The following STAG2 variants were observed in gnomAD, a reference collection of about 807,000 sequenced individuals.
The protein encoded by STAG2 is cohesin subunit SA-2.
STAG2 carries 14 observed loss-of-function variants against 108.1 expected under a neutral mutation model. The observed-to-expected ratio is 0.13, with a 90% confidence interval of 0.09 to 0.20. STAG2 has a LOEUF of 0.20. Ranked by LOEUF, STAG2 falls within the 10% of genes least tolerant of loss-of-function variation. The pLI, the probability that STAG2 is intolerant of heterozygous loss-of-function variation, is 1.00. For missense variants in STAG2, 440 were observed against 940.9 expected, an observed-to-expected ratio of 0.47 and a Z score of 6.96; for synonymous variants, 307 against 302.7, an observed-to-expected ratio of 1.01 and a Z score of -0.15.
At chrX:124,070,043 A>G (rs1282993604) in intron 24 of STAG2, among the ~76,000 whole-genome samples, 1 of 111,477 alleles carries the variant, frequency 9.0e-6, no homozygotes, top group Admixed American at 9.6e-5. Context: ...AACCTCCTAT[A>G]TAATCCCTTG....
At chrX:124,038,830 A>G (rs998645449) in intron 6 of STAG2, among the ~76,000 whole-genome samples, 5 of 111,908 alleles carry the variant, frequency 4.5e-5, no homozygotes, top group African/African-American at 1.3e-4. Flanking sequence ...CTTTAATTCA[A>G]TATTAGAAAA....
chrX:124,028,752 C>A (rs1175908065), intron 4 of STAG2, among the ~76,000 whole-genome samples: 1 of 102,932 alleles, frequency 9.7e-6, no homozygotes, highest in East Asian at 3.0e-4. Context: ...GATCCGCAAT[C>A]TGTGGCTTGT....
chrX:123,999,657 G>T (rs1379343540), intron 1 of STAG2, among the ~76,000 whole-genome samples: 1 of 111,304 alleles, frequency 9.0e-6, no homozygotes, highest in African/African-American at 3.3e-5. Context: ...TGTCGCTCAG[G>T]GTGGAGTGCA....
intron 4 of STAG2, chrX:124,026,452 G>A (rs2057108126): frequency 6.5e-6 from 1 of 154,258 alleles, no homozygotes; most frequent in Admixed American, 7.8e-5. Flanking sequence ...TTAGCCTGAG[G>A]GCTGGATATA....
chrX:124,043,056 T>TC (rs1278299395), intron 7 of STAG2, among the ~76,000 whole-genome samples: 6 of 109,265 alleles, frequency 5.5e-5, no homozygotes, highest in Admixed American at 4.9e-4. Flanking sequence ...ATGTTGTAAA[T>TC]AAGAGCTTTG....
intron 1 of STAG2, among the ~76,000 whole-genome samples, chrX:123,982,620 C>T (rs1001810269): frequency 4.5e-5 from 5 of 111,133 alleles, no homozygotes; most frequent in African/African-American, 9.8e-5. Context: ...CTCCTGACCT[C>T]AAGTGATCCG....
chrX:124,028,030 G>A (rs1435197666), intron 4 of STAG2, among the ~76,000 whole-genome samples: 3 of 111,119 alleles, frequency 2.7e-5, no homozygotes, highest in Non-Finnish European at 5.7e-5. Context: ...TAGATAAACT[G>A]CAAATATACA....
chrX:123,995,044 C>T (rs936602313), intron 1 of STAG2, among the ~76,000 whole-genome samples: 1 of 111,880 alleles, frequency 8.9e-6, no homozygotes, highest in South Asian at 3.7e-4. Flanking sequence ...TTTTAGCACA[C>T]TTGGAGACAT....
chrX:124,003,782 C>T (rs1602771710), intron 1 of STAG2: 1 of 111,256 alleles, frequency 9.0e-6, no homozygotes, highest in South Asian at 3.8e-4. Flanking sequence ...CTTTAGTTAC[C>T]AATTTTCAAA....
intron 13 of STAG2, among the ~76,000 whole-genome samples, 189 bp downstream of exon 13, chrX:124,051,583 TTC>T (rs1327612146): frequency 9.1e-6 from 1 of 110,325 alleles, no homozygotes; most frequent in Non-Finnish European, 1.9e-5. Context: ...AATATGGAAA[TTC>T]TTTTTTTTTT....
In STAG2 at chrX:124,062,378, A is replaced by T. The variant is rs898479279; in HGVS notation, c.1638+504A>T. Among the ~76,000 whole-genome samples, 3 of 112,349 alleles carry T rather than the reference A, an allele frequency of 2.7e-5. No individual in the cohort carries two copies. In the Admixed American group the frequency reaches 2.8e-4, roughly 11 times the overall value. ...CTTATATTGTGACGTATTACACATG[A>T]ATATGTTTGTGTGTGCATAACTGAA... On this transcript the variant is annotated intron_variant, in intron 17 of 34. Transcript: ENST00000371145.
At position 123,993,332 on chromosome X, in the gene STAG2, G is replaced by T. The variant is rs147376434; in HGVS notation, c.-162-28035G>T. Among the ~76,000 whole-genome samples the T allele has an allele frequency of 5.2e-3, 581 of 111,677 alleles. 1 individual carries two copies. The highest frequency in any genetic ancestry group is 9.2e-3 in the Middle Eastern group (2 of 217). On this transcript the variant is annotated intron_variant, in intron 1 of 34. Transcript: ENST00000371145. ...ATTCCATTTAAAGAAAATCGGGGAA[G>T]ATCCCAGTGGTGAGTTGAAATCTAT...
At chrX:124,002,720 G>A (rs2056099147) in intron 1 of STAG2, among the ~76,000 whole-genome samples, 1 of 110,679 alleles carries the variant, frequency 9.0e-6, no homozygotes. Context: ...TGCCTCCCAG[G>A]TTCAAGCGAT....
At chrX:124,012,931 A>T (rs576219852) in intron 1 of STAG2, among the ~76,000 whole-genome samples, 75 of 111,819 alleles carry the variant, frequency 6.7e-4, no homozygotes, top group African/African-American at 2.4e-3. Flanking sequence ...GATGTAATCT[A>T]TTGAGAGTAT....
At chrX:124,093,966 T>C (rs1306452620) in intron 32 of STAG2, 52 bp from the exon 33 acceptor site, 3 of 1,187,599 alleles carry the variant, frequency 2.5e-6, no homozygotes, top group Admixed American at 2.2e-5. Context: ...TGCCTAGATA[T>C]TAATAGTCAC....
Position 124,100,876 on chromosome X carries a change from T to A in STAG2, c.*279T>A. The stretch of plus-strand genomic sequence containing the variant: ...GGCTTTTGAATCGATTATTTCATGC[T>A]TTTTTTTAAAAAAAAAAAAAAACAA... On this transcript the variant is annotated 3_prime_UTR_variant, in exon 35 of 35. Transcript: ENST00000371145. 1 of 203,385 alleles carries A rather than the reference T, an allele frequency of 4.9e-6. No homozygotes were observed. Among genetic ancestry groups the A allele is most frequent in the Non-Finnish European group, 8.9e-6 (1 of 112,990 alleles). 16.8% of individuals were successfully genotyped at this position (203,385 alleles called of 1,213,427 possible). A position where few individuals can be genotyped will look rare whatever the true frequency, so the allele number is the denominator to read the frequency against.
chrX:124,042,341 T>C (rs1001766732), intron 6 of STAG2, among the ~76,000 whole-genome samples: 3 of 111,949 alleles, frequency 2.7e-5, no homozygotes, highest in African/African-American at 9.8e-5. Context: ...AAAAAAGATA[T>C]CTGTCAGAAG....
chrX:124,052,493 T>G (rs1180976568), intron 13 of STAG2, among the ~76,000 whole-genome samples: 1 of 112,678 alleles, frequency 8.9e-6, no homozygotes, highest in African/African-American at 3.2e-5. Context: ...CATACATTAT[T>G]ATAGCACGTA....
intron 11 of STAG2, 83 bp downstream of exon 11, chrX:124,050,392 TG>T (rs766895625): frequency 1.4e-4 from 140 of 983,201 alleles, no homozygotes; most frequent in Non-Finnish European, 3.9e-5. Context: ...TCTCCCAGTA[TG>T]TATACCTGGT....
Sources: allele counts gnomAD v4.1 joint callset (sites outside exome capture counted in the v4.1 genomes callset), GRCh38; gene constraint gnomAD v4.1.1; transcripts MANE v1.5; gene names NCBI Gene and HGNC (gene_info 2026-07-23, HGNC 2026-07-21).